LRRC4C: variants seen among roughly 807,000 people sequenced by gnomAD.
LRRC4C encodes leucine rich repeat containing 4C.
Under a neutral mutation model 33.6 loss-of-function variants are expected in LRRC4C, and 5 were observed. That is an observed-to-expected ratio of 0.15 (90% CI 0.08 to 0.31). The LOEUF is 0.31. LRRC4C is among the 10% of genes least tolerant of loss of function. The probability of loss-of-function intolerance (pLI) is 1.00; values close to 1 mark genes in which losing one functional copy is unlikely to be tolerated. For synonymous variants in LRRC4C, 329 were observed against 302.0 expected (o/e 1.09, Z -0.93); for missense variants, 560 against 796.7 (o/e 0.70, Z 3.58).
intron 3 of LRRC4C, among the ~76,000 whole-genome samples, chr11:40,458,191 G>C (rs551634776): frequency 6.6e-6 from 1 of 152,204 alleles, no homozygotes; most frequent in Admixed American, 6.5e-5. Context: ...GATGACAATA[G>C]AATCCTTGTT....
chr11:40,745,034 T>C (rs1268026149), intron 2 of LRRC4C, among the ~76,000 whole-genome samples: 1 of 152,120 alleles, frequency 6.6e-6, no homozygotes, highest in African/African-American at 2.4e-5. Flanking sequence ...ATAATAAACA[T>C]AAAAGCACTA....
chr11:40,876,883 C>G lies in LRRC4C; in HGVS notation c.-407+56752G>C, dbSNP rs555367082. On this transcript the variant is annotated intron_variant, in intron 2 of 6. Transcript: ENST00000528697. ...GCGCCACTGCACTGCAGCCTGGCAA[C>G]AGAGCGAGGCTCTTTCTCAAAAAAA... Among the ~76,000 whole-genome samples, 154 of 124,966 alleles carry G rather than the reference C, an allele frequency of 1.2e-3. 2 individuals are homozygous for G. The highest frequency in any genetic ancestry group is 1.6e-3 in the Non-Finnish European group (102 of 62,688). The allele number at this position is 124,966 out of a possible 152,430, so 82.0% of individuals were successfully genotyped here.
rs1439951193 is a variant in LRRC4C, at chr11:41,236,656, TG to T, written c.-496+222774del. On this transcript the variant is annotated intron_variant, in intron 1 of 6. Transcript: ENST00000528697. ...TTGGTGAATTTTGGTAATTTTTTGA[TG>T]ATATAAATTGATCTTCCTATGCTTA... Among the ~76,000 whole-genome samples, 4 of 152,236 alleles carry T rather than the reference TG, an allele frequency of 2.6e-5. No individual in the cohort carries two copies. The East Asian group carries it at 7.7e-4, about 29-fold the overall frequency.
At chr11:40,241,259 G>A (rs776213286) in intron 5 of LRRC4C, among the ~76,000 whole-genome samples, 5 of 152,116 alleles carry the variant, frequency 3.3e-5, no homozygotes, top group East Asian at 1.9e-4. Context: ...GTGCACACCC[G>A]TGGTGCTAGC....
intron 1 of LRRC4C, among the ~76,000 whole-genome samples, chr11:41,304,748 C>T (rs1292294869): frequency 9.9e-6 from 1 of 100,622 alleles, no homozygotes; most frequent in Non-Finnish European, 2.1e-5. Context: ...CCCGGCCAGC[C>T]GCCCCGTCTG....
At chr11:40,304,809 G>A (rs1052418492) in intron 4 of LRRC4C, among the ~76,000 whole-genome samples, 8 of 150,770 alleles carry the variant, frequency 5.3e-5, no homozygotes, top group Non-Finnish European at 1.2e-4. Flanking sequence ...TCGGCTCACT[G>A]CAACCTCTGC....
At position 40,464,726 on chromosome 11, in the gene LRRC4C, A is replaced by G. The variant is rs145055604; in HGVS notation, c.-269-145005T>C. 2.6e-5 allele frequency among the ~76,000 whole-genome samples: 4 copies of G among 152,168 alleles called. No individual in the cohort carries two copies. The South Asian group carries it at 6.2e-4, about 24-fold the overall frequency. On this transcript the variant is annotated intron_variant, in intron 3 of 6. Coordinates refer to ENST00000528697, the MANE Select transcript of LRRC4C (RefSeq NM_001258419.2). ...AATCAATCAGTCAATCCCTTTAATAATAGCTACCAGTAAACAAATAAATAA... is the reference window on the plus strand; with the variant it reads ...AATCAATCAGTCAATCCCTTTAATAGTAGCTACCAGTAAACAAATAAATAA...
At chr11:40,391,253 T>C (rs1270617806) in intron 3 of LRRC4C, among the ~76,000 whole-genome samples, 1 of 152,178 alleles carries the variant, frequency 6.6e-6, no homozygotes, top group Non-Finnish European at 1.5e-5. Flanking sequence ...CTCACATTTA[T>C]ACTCAGTACG....
At chr11:41,271,673 C>T (rs188798841) in intron 1 of LRRC4C, among the ~76,000 whole-genome samples, 1 of 152,172 alleles carries the variant, frequency 6.6e-6, no homozygotes, top group African/African-American at 2.4e-5. Context: ...TAGTTTTCAG[C>T]ATGTTCATTG....
intron 2 of LRRC4C, among the ~76,000 whole-genome samples, chr11:40,885,975 A>G (rs934248249): frequency 4.6e-5 from 7 of 152,086 alleles, no homozygotes; most frequent in African/African-American, 9.7e-5. Context: ...TCCCATCCCC[A>G]TTACTGAAGA....
At chr11:40,907,105 C>G (rs1436944784) in intron 2 of LRRC4C, among the ~76,000 whole-genome samples, 1 of 152,204 alleles carries the variant, frequency 6.6e-6, no homozygotes, top group African/African-American at 2.4e-5. Flanking sequence ...TACTTCTACC[C>G]TACTAGCTTA....
At chr11:41,123,677 A>T (rs78905738) in intron 1 of LRRC4C, among the ~76,000 whole-genome samples, 67 of 151,878 alleles carry the variant, frequency 4.4e-4, no homozygotes, top group Middle Eastern at 3.4e-3. Context: ...AGTTCACTCA[A>T]TTTTTTCTCA....
intron 1 of LRRC4C, among the ~76,000 whole-genome samples, chr11:41,339,769 ATC>A (rs2137454171): frequency 6.6e-6 from 1 of 152,330 alleles, no homozygotes; most frequent in South Asian, 2.1e-4. Context: ...GAATATGTTC[ATC>A]TCTCTTCCCT....
chr11:40,216,704 A>G (rs1193492854), intron 5 of LRRC4C, among the ~76,000 whole-genome samples: 1 of 152,178 alleles, frequency 6.6e-6, no homozygotes, highest in East Asian at 1.9e-4. Flanking sequence ...TTCCCCAGTT[A>G]TGAAACAAAA....
At chr11:40,612,630 G>C (rs1036561282) in intron 3 of LRRC4C, among the ~76,000 whole-genome samples, 1 of 151,834 alleles carries the variant, frequency 6.6e-6, no homozygotes, top group African/African-American at 2.4e-5. Flanking sequence ...GTAAATACAA[G>C]AAGTTGAAAC....
intron 1 of LRRC4C, among the ~76,000 whole-genome samples, chr11:41,130,317 T>A (rs1942952877): frequency 6.6e-6 from 1 of 151,988 alleles, no homozygotes; most frequent in Non-Finnish European, 1.5e-5. Flanking sequence ...CAGTTTTTTA[T>A]ATTACTTGTC....
intron 4 of LRRC4C, among the ~76,000 whole-genome samples, chr11:40,243,629 T>C (rs1481497419): frequency 6.6e-6 from 1 of 151,802 alleles, no homozygotes; most frequent in African/African-American, 2.4e-5. Flanking sequence ...TTAAATTTTA[T>C]ATAATTTTGT....
intron 3 of LRRC4C, among the ~76,000 whole-genome samples, chr11:40,498,932 T>G (rs1431251438): frequency 6.6e-6 from 1 of 152,214 alleles, no homozygotes; most frequent in Non-Finnish European, 1.5e-5. Flanking sequence ...TTTAAGCAAC[T>G]GTCAAAACGT....
intron 1 of LRRC4C, among the ~76,000 whole-genome samples, chr11:41,289,134 TG>T (rs1411651858): frequency 2.0e-5 from 3 of 152,116 alleles, no homozygotes; most frequent in African/African-American, 4.8e-5. Context: ...GATACCAGGG[TG>T]TTGGAATCTT....
Sources: gnomAD v4.1 joint callset for allele counts (sites outside exome capture counted in the v4.1 genomes callset) on GRCh38, gnomAD v4.1.1 for gene constraint, MANE v1.5 for transcripts, NCBI Gene and HGNC (gene_info 2026-07-23, HGNC 2026-07-21) for gene names.